TBC1D1: variants seen among roughly 807,000 people sequenced by gnomAD.
TBC1D1 encodes TBC1 domain family member 1, also known as TBC1 (tre-2/USP6, BUB2, cdc16) domain family, member 1.
Under a neutral mutation model 125.6 loss-of-function variants are expected in TBC1D1, and 89 were observed. The observed-to-expected ratio is 0.71, with a 90% CI of 0.60 to 0.85. The LOEUF is 0.85. Ranked by LOEUF, TBC1D1 falls within the 40% of genes least tolerant of loss-of-function variation. The pLI, the probability that TBC1D1 is intolerant of heterozygous loss-of-function variation, is 0.00. For synonymous variants in TBC1D1, 565 were observed against 564.1 expected (o/e 1.00, Z -0.02); for missense variants, 1,377 against 1,469.2 (o/e 0.94, Z 1.03).
chr4:38,059,543 C>T (rs1752379148), intron 12 of TBC1D1, among the ~76,000 whole-genome samples: 1 of 149,526 alleles, frequency 6.7e-6, no homozygotes, highest in East Asian at 2.0e-4. Flanking sequence ...TTCTGGCTGC[C>T]GCAGAAACTA....
chr4:37,987,987 G>C (rs371147823), intron 2 of TBC1D1, among the ~76,000 whole-genome samples: 1 of 152,154 alleles, frequency 6.6e-6, no homozygotes, highest in Non-Finnish European at 1.5e-5. Flanking sequence ...AGTAGCAGGC[G>C]TGGGGTGCAG....
At chr4:38,119,656 C>T (rs1763537625) in intron 17 of TBC1D1, among the ~76,000 whole-genome samples, 1 of 152,178 alleles carries the variant, frequency 6.6e-6, no homozygotes, top group Admixed American at 6.5e-5. Flanking sequence ...TTCTCTAACA[C>T]TGGAAATTAA....
chr4:38,121,077 A>G (rs1763763761), intron 17 of TBC1D1, among the ~76,000 whole-genome samples: 1 of 152,208 alleles, frequency 6.6e-6, no homozygotes, highest in African/African-American at 2.4e-5. Context: ...GAAAATCTCC[A>G]GCTATTCAGG....
intron 12 of TBC1D1, among the ~76,000 whole-genome samples, chr4:38,060,944 A>G (rs1222910228): frequency 6.6e-6 from 1 of 152,176 alleles, no homozygotes; most frequent in Non-Finnish European, 1.5e-5. Flanking sequence ...GATGCATCCT[A>G]GGTTAGGCCT....
intron 2 of TBC1D1, among the ~76,000 whole-genome samples, chr4:37,935,251 A>G (rs1341824377): frequency 6.6e-6 from 1 of 152,102 alleles, no homozygotes; most frequent in African/African-American, 2.4e-5. Flanking sequence ...TGTCGCTTTG[A>G]TCCTAGGTTC....
chr4:37,938,416 G>A (rs188374227), intron 2 of TBC1D1, among the ~76,000 whole-genome samples: 3 of 152,256 alleles, frequency 2.0e-5, no homozygotes, highest in East Asian at 1.9e-4. Flanking sequence ...GCCTAGGTGC[G>A]CCACAGTGGT....
At position 38,063,328 on chromosome 4, in the gene TBC1D1, T is replaced by A. The variant is rs1753098888; in HGVS notation, c.2050+8990T>A. Among the ~76,000 whole-genome samples, 7 of 151,814 alleles carry A rather than the reference T, an allele frequency of 4.6e-5. No individual in the cohort carries two copies. In the South Asian group the frequency reaches 1.3e-3, roughly 27 times the overall value. On this transcript the variant is annotated intron_variant, in intron 12 of 19. Coordinates refer to ENST00000261439, the MANE Select transcript of TBC1D1 (RefSeq NM_015173.4). ...CCCTGAACTTCCAGGACCTTGAGAG[T>A]GAGTGTCTCCTAAGGATTACACCCT...
chr4:38,093,206 A>G (rs112555611), intron 13 of TBC1D1, among the ~76,000 whole-genome samples: 2 of 115,862 alleles, frequency 1.7e-5, no homozygotes, highest in African/African-American at 5.1e-5. Context: ...GAAATTGATC[A>G]GGGGTTCAAG....
At position 38,020,661 on chromosome 4, in the gene TBC1D1, T is replaced by A. The variant is rs145572665; in HGVS notation, c.1043T>A (p.Val348Asp). The change falls in exon 5 of 20, where the codon GTC (valine) becomes GAC (aspartate). Residue 348 changes from valine to aspartate, a missense_variant. By Grantham distance (152) the Val-to-Asp change is radical. Around this residue, in one of 3 missense-constraint regions of TBC1D1, gnomAD observed 822 missense variants for 824.6 expected, o/e 1.00. Transcript: ENST00000261439. The stretch of plus-strand genomic sequence containing the variant: ...TCCGGAGGTGGCGGCTTTCATTTTG[T>A]CTGTTACGTGTTTCAGTGCACAAAT... 4.3e-4 allele frequency: 696 copies of A among 1,613,100 alleles called. No individual in the cohort carries two copies. The highest frequency in any genetic ancestry group is 4.7e-4 in the Non-Finnish European group (555 of 1,179,336).
chr4:38,116,603 C>G (rs1763023367), intron 16 of TBC1D1, among the ~76,000 whole-genome samples: 1 of 152,138 alleles, frequency 6.6e-6, no homozygotes, highest in Non-Finnish European at 1.5e-5. Context: ...AGCCGAGTTC[C>G]TAGTTTCTGA....
intron 2 of TBC1D1, among the ~76,000 whole-genome samples, chr4:38,003,366 C>G (rs192569361): frequency 6.6e-6 from 1 of 152,222 alleles, no homozygotes; most frequent in East Asian, 1.9e-4. Flanking sequence ...AACATTCATA[C>G]TCATATTTGA....
chr4:38,004,325 A>G (rs1739649734), intron 2 of TBC1D1, among the ~76,000 whole-genome samples: 4 of 152,150 alleles, frequency 2.6e-5, no homozygotes. Context: ...TCACTCTCAT[A>G]TCTTTGTACT....
At chr4:38,092,749 AAAG>A (rs756385804) in intron 13 of TBC1D1, among the ~76,000 whole-genome samples, 3,151 of 149,584 alleles carry the variant, frequency 0.021, 52 homozygotes, top group South Asian at 0.052. Context: ...AAAAAAAAAA[AAAG>A]AAAGAAGTAA....
chr4:38,006,811 C>T (rs1740373494), intron 2 of TBC1D1: 3 of 513,780 alleles, frequency 5.8e-6, no homozygotes. Flanking sequence ...CTCTTTTCCC[C>T]TCTCCTTTCT....
chr4:37,934,242 C>A (rs141320465), intron 2 of TBC1D1, among the ~76,000 whole-genome samples: 1 of 152,178 alleles, frequency 6.6e-6, no homozygotes, highest in East Asian at 1.9e-4. Flanking sequence ...CCATCTGGGG[C>A]GACATCCAGG....
intron 2 of TBC1D1, among the ~76,000 whole-genome samples, chr4:38,005,719 T>A (rs4144801): frequency 0.094 from 14,284 of 152,254 alleles, 1,457 homozygotes; most frequent in East Asian, 0.54. Context: ...TTGCTGTGTT[T>A]TTCATTGAGG....
chr4:38,035,435 T>G (rs550622889), intron 7 of TBC1D1, among the ~76,000 whole-genome samples, 153 bp from the exon 8 acceptor site: 1 of 152,364 alleles, frequency 6.6e-6, no homozygotes, highest in East Asian at 1.9e-4. Context: ...TTTTAAAAAT[T>G]CTCTCTACTT....
intron 12 of TBC1D1, among the ~76,000 whole-genome samples, chr4:38,088,845 G>A (rs1578641777): frequency 6.6e-6 from 1 of 152,072 alleles, no homozygotes; most frequent in African/African-American, 2.4e-5. Context: ...TAGAATCCCA[G>A]CAGCCTGTCT....
chr4:37,959,237 T>C (rs1729502708), intron 2 of TBC1D1, among the ~76,000 whole-genome samples: 1 of 151,978 alleles, frequency 6.6e-6, no homozygotes, highest in Non-Finnish European at 1.5e-5. Flanking sequence ...GCTTAACCGA[T>C]AGTCTTCCGT....
Sources: gnomAD v4.1 joint callset for allele counts (sites outside exome capture counted in the v4.1 genomes callset) on GRCh38, gnomAD v4.1.1 for gene constraint, gnomAD v4.1.1 regional missense constraint, MANE v1.5 for transcripts, NCBI Gene and HGNC (gene_info 2026-07-23, HGNC 2026-07-21) for gene names.